The following VEGFC variants were observed in gnomAD, a reference collection of about 807,000 sequenced individuals.
VEGFC encodes the protein FLT4 ligand DHM.
VEGFC carries 12 observed loss-of-function variants against 46.1 expected under a neutral mutation model. The ratio of observed to expected loss-of-function variants is 0.26; its 90% CI spans 0.17 to 0.42. The LOEUF (loss-of-function observed/expected upper bound fraction) is 0.42, where lower values mean the gene tolerates loss of function less well. Among genes scored for constraint, VEGFC ranks in the 10% least tolerant of loss-of-function variants. The pLI, the probability that VEGFC is intolerant of heterozygous loss-of-function variation, is 1.00. For missense variants in VEGFC, 488 were observed against 529.4 expected (o/e 0.92, Z 0.77); for synonymous variants, 232 against 195.5 (o/e 1.19, Z -1.56).
chr4:176,685,814 A>G (rs1297532679), intron 6 of VEGFC, among the ~76,000 whole-genome samples: 1 of 152,166 alleles, frequency 6.6e-6, no homozygotes, highest in Non-Finnish European at 1.5e-5. Context: ...ACTTTGCAGT[A>G]TAAGGGAAGA....
chr4:176,690,501 T>G (rs1443448418), intron 4 of VEGFC, among the ~76,000 whole-genome samples: 1 of 152,160 alleles, frequency 6.6e-6, no homozygotes, highest in East Asian at 1.9e-4. Context: ...TTCCTAATAA[T>G]TTTAGGAATT....
In VEGFC at chr4:176,693,067, T is replaced by C. The variant is rs140556294; in HGVS notation, c.705-5140A>G. ...AAACTGGAAAGTCTAAAAAGCAGAGTGCCTCTCCTCCTCCAAAGAAACACA... is the reference window on the plus strand; with the variant it reads ...AAACTGGAAAGTCTAAAAAGCAGAGCGCCTCTCCTCCTCCAAAGAAACACA... On this transcript the variant is annotated intron_variant, in intron 4 of 6. Coordinates refer to ENST00000618562, the MANE Select transcript of VEGFC (RefSeq NM_005429.5). 1.5e-3 allele frequency among the ~76,000 whole-genome samples: 224 copies of C among 151,822 alleles called. 1 individual carries two copies. The Middle Eastern group carries it at 0.021, about 14-fold the overall frequency.
chr4:176,698,733 C>T (rs530898435), intron 4 of VEGFC, among the ~76,000 whole-genome samples: 98 of 152,146 alleles, frequency 6.4e-4, no homozygotes, highest in African/African-American at 2.1e-3. Flanking sequence ...CCCCCAAGAC[C>T]GTGGTGACCA....
chr4:176,736,286 T>C (rs1214503281), intron 1 of VEGFC, among the ~76,000 whole-genome samples: 1 of 151,822 alleles, frequency 6.6e-6, no homozygotes, highest in Non-Finnish European at 1.5e-5. Context: ...ATCCTATAGG[T>C]AAATTTTGTA....
intron 1 of VEGFC, among the ~76,000 whole-genome samples, chr4:176,774,477 T>C (rs931261968): frequency 6.6e-6 from 1 of 152,332 alleles, no homozygotes; most frequent in Admixed American, 6.5e-5. Context: ...ACACAGTCTA[T>C]GTGTTTGGAG....
At chr4:176,747,403 AT>A (rs2110888857) in intron 1 of VEGFC, among the ~76,000 whole-genome samples, 1 of 152,276 alleles carries the variant, frequency 6.6e-6, no homozygotes, top group East Asian at 1.9e-4. Flanking sequence ...AAAAAAAGAA[AT>A]AGCACAGTCT....
chr4:176,778,315 A>T (rs1735849693), intron 1 of VEGFC, among the ~76,000 whole-genome samples: 5 of 152,176 alleles, frequency 3.3e-5, no homozygotes. Context: ...AGTTACACAG[A>T]ATTTCGATTG....
intron 1 of VEGFC, among the ~76,000 whole-genome samples, chr4:176,786,884 A>G (rs1736009729): frequency 6.6e-6 from 1 of 152,192 alleles, no homozygotes; most frequent in Admixed American, 6.5e-5. Context: ...AAGGCAATAA[A>G]GCAATGGAGG....
At chr4:176,707,583 C>G (rs12645496) in intron 4 of VEGFC, among the ~76,000 whole-genome samples, 10,046 of 152,060 alleles carry the variant, frequency 0.066, 686 homozygotes, top group African/African-American at 0.15. Flanking sequence ...AAAATCATCT[C>G]TAAGGGGGTA....
chr4:176,757,181 CT>C (rs35917364), intron 1 of VEGFC, among the ~76,000 whole-genome samples: 1 of 151,778 alleles, frequency 6.6e-6, no homozygotes, highest in Admixed American at 6.6e-5. Context: ...CTTATTCATA[CT>C]TTTTTTTCTA....
chr4:176,791,574 TTGA>T (rs766297370), intron 1 of VEGFC, among the ~76,000 whole-genome samples: 4,472 of 33,552 alleles, frequency 0.13, 105 homozygotes, highest in East Asian at 0.5. Context: ...CTTGCATTGC[TTGA>T]TTGTGATCTA....
chr4:176,722,452 C>A (rs1359424635), intron 3 of VEGFC, among the ~76,000 whole-genome samples: 1 of 151,174 alleles, frequency 6.6e-6, no homozygotes, highest in African/African-American at 2.4e-5. Flanking sequence ...ACTAAATGCT[C>A]ATCTTACCCC....
intron 1 of VEGFC, among the ~76,000 whole-genome samples, chr4:176,744,572 G>C (rs912412951): frequency 6.6e-6 from 1 of 151,942 alleles, no homozygotes; most frequent in East Asian, 1.9e-4. Context: ...ATTTAGCAGA[G>C]GAGATTTTGG....
Position 176,740,094 on chromosome 4 carries a change from CTA to C in VEGFC, c.148-10350_148-10349del, listed in dbSNP as rs1735135137. 1.2e-4 allele frequency among the ~76,000 whole-genome samples: 2 copies of C among 16,444 alleles called. 1 individual carries two copies. The highest frequency in any genetic ancestry group is 2.6e-3 in the Non-Finnish European group (2 of 776). The allele number at this position is 16,444 out of a possible 152,430, so 10.8% of individuals were successfully genotyped here. ...CTATATATTATATATTCTATATATT[CTA>C]TACATATATTCTATATATATATTCT... On this transcript the variant is annotated intron_variant, in intron 1 of 6. Transcript: ENST00000618562.
intron 1 of VEGFC, among the ~76,000 whole-genome samples, chr4:176,762,957 A>G (rs967485230): frequency 6.6e-6 from 1 of 152,236 alleles, no homozygotes; most frequent in Non-Finnish European, 1.5e-5. Context: ...AACTAGAAAA[A>G]TAACTCTGAT....
chr4:176,752,396 A>T lies in VEGFC; in HGVS notation c.148-22650T>A, dbSNP rs188510781. Among the ~76,000 whole-genome samples, 102 of 152,184 alleles carry T rather than the reference A, an allele frequency of 6.7e-4. 1 individual carries two copies. The highest frequency in any genetic ancestry group is 1.2e-3 in the Admixed American group (19 of 15,256). On this transcript the variant is annotated intron_variant, in intron 1 of 6. Transcript: ENST00000618562. The stretch of plus-strand genomic sequence containing the variant: ...TCCGAATGGCCTGCTGACTTTCTAC[A>T]ATCTGAGTGTAATAGAGACAACAAC...
Position 176,687,244 on chromosome 4 carries a change from G to T in VEGFC, c.1088C>A (p.Thr363Lys). Residue 363 changes from threonine to lysine, a missense_variant, in exon 6 of 7, where the codon ACA (threonine) becomes AAA (lysine). Thr to Lys is a moderately conservative substitution (Grantham distance 78). Transcript: ENST00000618562. ...TAACAAGCATTTCTGTGGACTTTCT[G>T]TACATTCACAGGCACATTTTCCAGG... ...LNPGKCACEC[T>K]ESPQKCLLKG... is the part of the protein sequence containing the mutation. The T allele has an allele frequency of 6.2e-7, 1 of 1,614,132 alleles. No individual in the cohort carries two copies. Among genetic ancestry groups the T allele is most frequent in the South Asian group, 1.1e-5 (1 of 91,072 alleles).
chr4:176,710,008 A>G (rs1734595673), intron 4 of VEGFC, among the ~76,000 whole-genome samples: 1 of 151,510 alleles, frequency 6.6e-6, no homozygotes, highest in Admixed American at 6.6e-5. Context: ...AAGAAGAAGA[A>G]GTAATGACAA....
At chr4:176,765,534 G>A (rs1308925267) in intron 1 of VEGFC, among the ~76,000 whole-genome samples, 3 of 149,146 alleles carry the variant, frequency 2.0e-5, no homozygotes, top group African/African-American at 7.4e-5. Flanking sequence ...TAGAACTACT[G>A]AAATCCAAAG....
Sources: gnomAD v4.1 joint callset for allele counts (sites outside exome capture counted in the v4.1 genomes callset) on GRCh38, gnomAD v4.1.1 for gene constraint, MANE v1.5 for transcripts, NCBI Gene and HGNC (gene_info 2026-07-23, HGNC 2026-07-21) for gene names.